The following RAP1GAP2 variants were observed in gnomAD, a reference collection of about 807,000 sequenced individuals.
RAP1GAP2 encodes rap1 GTPase-activating protein 2.
In RAP1GAP2, 27 loss-of-function variants were observed where a neutral mutation model predicts 95.0. The ratio of observed to expected loss-of-function variants is 0.28; its 90% CI spans 0.21 to 0.39. RAP1GAP2 has a LOEUF of 0.39. RAP1GAP2 is among the 10% of genes least tolerant of loss of function. The pLI, the probability that RAP1GAP2 is intolerant of heterozygous loss-of-function variation, is 1.00. For missense variants in RAP1GAP2, 771 were observed against 970.0 expected (o/e 0.79, Z 2.72); for synonymous variants, 373 against 380.9 (o/e 0.98, Z 0.24).
intron 16 of RAP1GAP2, among the ~76,000 whole-genome samples, chr17:3,006,317 C>A (rs1013199694): frequency 6.8e-6 from 1 of 147,544 alleles, no homozygotes; most frequent in African/African-American, 2.5e-5. Context: ...TTAGTAGAGA[C>A]AGGGTTTCCT....
Position 3,034,977 on chromosome 17 carries a change from C to CT in RAP1GAP2, c.*1633dup, listed in dbSNP as rs542603792. The CT allele has an allele frequency of 0.041, 5,613 of 138,586 alleles. 348 individuals are homozygous for CT. Among genetic ancestry groups the CT allele is most frequent in the African/African-American group, 0.13 (4,967 of 37,204 alleles). The allele number at this position is 138,586 out of a possible 1,614,324, so 8.6% of individuals were successfully genotyped here. A position where few individuals can be genotyped will look rare whatever the true frequency, so the allele number is the denominator to read the frequency against. Reference sequence around the variant, plus strand: ...CTGTGCCCAAGATATAAATACTACACTTTTTTTTTTTTTTTTTAACTGACA... The same window carrying CT: ...CTGTGCCCAAGATATAAATACTACACTTTTTTTTTTTTTTTTTTAACTGACA... On this transcript the variant is annotated 3_prime_UTR_variant, in exon 25 of 25. Coordinates refer to ENST00000254695, the MANE Select transcript of RAP1GAP2 (RefSeq NM_015085.5). This position sits in a 1 kb window ranked among gnomAD's most constrained non-coding sequence, Gnocchi z 5.1.
upstream of RAP1GAP2, among the ~76,000 whole-genome samples, chr17:2,792,330 G>A (rs112491139): frequency 9.5e-3 from 1,454 of 152,292 alleles, 23 homozygotes; most frequent in African/African-American, 0.032. Context: ...CTCCCGTGAC[G>A]GCCTTGGAGC....
intron 2 of RAP1GAP2, among the ~76,000 whole-genome samples, chr17:2,894,849 C>G (rs1038195665): frequency 2.0e-5 from 3 of 152,142 alleles, no homozygotes; most frequent in African/African-American, 7.2e-5. Context: ...CAGCGCCCCT[C>G]GGCCCCGTTT....
intron 2 of RAP1GAP2, among the ~76,000 whole-genome samples, chr17:2,839,330 T>A (rs1356366893): frequency 6.6e-6 from 1 of 151,562 alleles, no homozygotes. Context: ...AAAAAAAGAA[T>A]AAAAAATAAA....
At chr17:2,877,870 T>C (rs1313160579) in intron 2 of RAP1GAP2, among the ~76,000 whole-genome samples, 1 of 152,094 alleles carries the variant, frequency 6.6e-6, no homozygotes, top group East Asian at 1.9e-4. Context: ...TTTTGGAAGG[T>C]CCCTGTAGCT....
chr17:2,927,358 T>C (rs2042997320), intron 3 of RAP1GAP2, among the ~76,000 whole-genome samples: 2 of 151,592 alleles, frequency 1.3e-5, no homozygotes, highest in South Asian at 2.1e-4. Context: ...TTTCACCGTG[T>C]TAGCCAGGAT....
rs906434564 is a variant in RAP1GAP2, at chr17:3,008,596, T to C, written c.1494+451T>C. ...TTCTTCCTAGCCAGCCGGCCGAGCA[T>C]TGGAAGACCTGGCTGGGCAGGGGCC... On this transcript the variant is annotated intron_variant, in intron 17 of 24. Coordinates refer to ENST00000254695, the MANE Select transcript of RAP1GAP2 (RefSeq NM_015085.5). The surrounding 1 kb of genome is among the most constrained non-coding windows in gnomAD (Gnocchi z 4.2). 4.6e-5 allele frequency among the ~76,000 whole-genome samples: 7 copies of C among 152,272 alleles called. No individual in the cohort carries two copies. The highest frequency in any genetic ancestry group is 1.4e-4 in the African/African-American group (6 of 41,566).
rs367838379 is a variant in RAP1GAP2 at position 2,971,096 on chromosome 17, G to T, written c.596+5453G>T. On this transcript the variant is annotated intron_variant, in intron 8 of 24. Coordinates refer to ENST00000254695, the MANE Select transcript of RAP1GAP2 (RefSeq NM_015085.5). The stretch of plus-strand genomic sequence containing the variant: ...GTCGACCTATGTAACTAACTTACTT[G>T]TAGGTAATTATCGATAGCAGCTATA... 2.6e-5 allele frequency among the ~76,000 whole-genome samples: 4 copies of T among 152,188 alleles called. No homozygotes were observed. The South Asian group carries it at 8.3e-4, about 32-fold the overall frequency.
At chr17:2,913,637 T>C (rs1251211754) in intron 3 of RAP1GAP2, among the ~76,000 whole-genome samples, 1 of 152,202 alleles carries the variant, frequency 6.6e-6, no homozygotes, top group Non-Finnish European at 1.5e-5. Flanking sequence ...GGAAGATTAC[T>C]CTAGGTGTAA....
chr17:2,758,160 C>A (rs373807787), intron 1 of RAP1GAP2, among the ~76,000 whole-genome samples: 3 of 148,138 alleles, frequency 2.0e-5, no homozygotes, highest in Non-Finnish European at 4.5e-5. Context: ...TGAGCCACCA[C>A]GCCTGGCCAC....
chr17:2,802,680 G>A (rs1341957443), intron 2 of RAP1GAP2, among the ~76,000 whole-genome samples: 1 of 152,112 alleles, frequency 6.6e-6, no homozygotes, highest in Non-Finnish European at 1.5e-5. Flanking sequence ...CACAGCCTGG[G>A]AGACAAGAGT....
At chr17:2,804,306 G>C (rs1169225643) in intron 2 of RAP1GAP2, among the ~76,000 whole-genome samples, 1 of 152,212 alleles carries the variant, frequency 6.6e-6, no homozygotes, top group Non-Finnish European at 1.5e-5. Context: ...GTGTGCTCAG[G>C]CTTCGTTGCA....
chr17:2,812,256 C>T (rs952671248), intron 2 of RAP1GAP2, among the ~76,000 whole-genome samples: 2 of 152,180 alleles, frequency 1.3e-5, no homozygotes. Context: ...TGTTCCCAGA[C>T]TGAACTGACT....
intron 3 of RAP1GAP2, among the ~76,000 whole-genome samples, chr17:2,931,429 T>C (rs2043151342): frequency 6.6e-6 from 1 of 152,174 alleles, no homozygotes; most frequent in Admixed American, 6.5e-5. Context: ...TATCTGCAGC[T>C]GAGTGATTCC....
intron 3 of RAP1GAP2, among the ~76,000 whole-genome samples, chr17:2,942,214 G>A (rs1297334345): frequency 6.6e-6 from 1 of 152,126 alleles, no homozygotes; most frequent in South Asian, 2.1e-4. Flanking sequence ...CCCCGAGTAC[G>A]TGTGAGGCGT....
chr17:2,896,983 T>C lies in RAP1GAP2; in HGVS notation c.81-8301T>C, dbSNP rs116804328. Among the ~76,000 whole-genome samples, 1,300 of 152,280 alleles carry C rather than the reference T, an allele frequency of 8.5e-3. 21 individuals are homozygous for C. Among genetic ancestry groups the C allele is most frequent in the African/African-American group, 0.029 (1,212 of 41,562 alleles). On this transcript the variant is annotated intron_variant, in intron 2 of 24. Transcript: ENST00000254695. ...CTGTCTGCTCTATGCAGGGGACCAGTAGCCCCCTTTGACCCTCTCCCCCTT... is the reference window on the plus strand; with the variant it reads ...CTGTCTGCTCTATGCAGGGGACCAGCAGCCCCCTTTGACCCTCTCCCCCTT...
intron 2 of RAP1GAP2, among the ~76,000 whole-genome samples, chr17:2,809,837 C>T (rs1354542679): frequency 2.0e-5 from 3 of 152,190 alleles, no homozygotes; most frequent in Admixed American, 6.5e-5. Context: ...GGGAGAGGCT[C>T]TTGATGGACA....
Position 2,796,976 on chromosome 17 carries a change from G to A in RAP1GAP2, c.44+405G>A, listed in dbSNP as rs535774648. Among the ~76,000 whole-genome samples, 32 of 152,154 alleles carry A rather than the reference G, an allele frequency of 2.1e-4. No homozygotes were observed. The East Asian group carries it at 2.7e-3, about 13-fold the overall frequency. ...TGTGTGTGGCTGTGACTGCCAGTCC[G>A]TGTGACCGTGTGTGAGGTGTGTGCC... On this transcript the variant is annotated intron_variant, in intron 1 of 24. Transcript: ENST00000254695. This position sits in a 1 kb window ranked among gnomAD's most constrained non-coding sequence, Gnocchi z 4.7.
rs753712344 is a variant in RAP1GAP2, at chr17:3,027,030, G to T, written c.2067G>T (p.Gly689=). ...CGAGCAGCGAGAGCCCCAGCCTGGGGGCAGCTGCCACCCCGATCATCATGA... is the reference window on the plus strand; with the variant it reads ...CGAGCAGCGAGAGCCCCAGCCTGGGTGCAGCTGCCACCCCGATCATCATGA... ...PSPSSESPSL[G]AAATPIIMSR... The change falls in exon 22 of 25, where the codon GGG becomes GGT. Residue 689 remains glycine (G), a synonymous_variant. Coordinates refer to ENST00000254695, the MANE Select transcript of RAP1GAP2 (RefSeq NM_015085.5). This position sits in a 1 kb window ranked among gnomAD's most constrained non-coding sequence, Gnocchi z 5.2. 6.4e-7 allele frequency: 1 copy of T among 1,574,646 alleles called. No individual in the cohort carries two copies. The highest frequency in any genetic ancestry group is 8.6e-7 in the Non-Finnish European group (1 of 1,160,448).
Sources: gnomAD v4.1 joint callset for allele counts (sites outside exome capture counted in the v4.1 genomes callset) on GRCh38, gnomAD v4.1.1 for gene constraint, Gnocchi (gnomAD v3.1) non-coding constraint, MANE v1.5 for transcripts, NCBI Gene and HGNC (gene_info 2026-07-23, HGNC 2026-07-21) for gene names.